Variants in NBEAL1 observed in about 807,000 individuals in gnomAD.
NBEAL1 encodes neurobeachin-like protein 1.
A neutral mutation model predicts 351.3 loss-of-function variants in NBEAL1; 273 were observed. The observed-to-expected ratio is 0.78, with a 90% CI of 0.70 to 0.86. The LOEUF (loss-of-function observed/expected upper bound fraction) is 0.86. Ranked by LOEUF, NBEAL1 falls within the 40% of genes least tolerant of loss-of-function variation. NBEAL1 has a pLI of 0.00. For synonymous variants in NBEAL1, 1,050 were observed against 1,086.4 expected (o/e 0.97, Z 0.66); for missense variants, 2,961 against 3,201.3 (o/e 0.92, Z 1.81).
chr2:203,022,169 G>A (rs1466719764), intron 2 of NBEAL1, among the ~76,000 whole-genome samples: 2 of 152,158 alleles, frequency 1.3e-5, no homozygotes, highest in Admixed American at 6.5e-5. Flanking sequence ...TTTTGGGAGT[G>A]CTGCAGTTAG....
intron 36 of NBEAL1, among the ~76,000 whole-genome samples, chr2:203,162,004 T>A (rs929481412): frequency 5.9e-5 from 9 of 151,522 alleles, no homozygotes; most frequent in African/African-American, 2.2e-4. Context: ...TTTTGTTTTG[T>A]TTTGATTTGA....
At chr2:203,068,766 G>A (rs1273254050) in intron 7 of NBEAL1, among the ~76,000 whole-genome samples, 2 of 152,170 alleles carry the variant, frequency 1.3e-5, no homozygotes, top group East Asian at 1.9e-4. Flanking sequence ...TCACACGCTT[G>A]TTGCCCAGGC....
At chr2:203,053,496 T>TGTC (rs988014296) in intron 4 of NBEAL1, among the ~76,000 whole-genome samples, 1 of 152,172 alleles carries the variant, frequency 6.6e-6, no homozygotes, top group Non-Finnish European at 1.5e-5. Flanking sequence ...GGGTTTTTTT[T>TGTC]GTCGTCGTCG....
At chr2:203,071,829 G>A (rs961379883) in intron 7 of NBEAL1, among the ~76,000 whole-genome samples, 2 of 152,192 alleles carry the variant, frequency 1.3e-5, no homozygotes, top group Non-Finnish European at 2.9e-5. Context: ...ATAAAGGGGT[G>A]ACAGGTCTCA....
intron 36 of NBEAL1, 88 bp from the exon 37 acceptor site, chr2:203,166,061 A>G (rs906499410): frequency 8.1e-6 from 10 of 1,236,454 alleles, no homozygotes; most frequent in South Asian, 1.8e-5. Context: ...AAGAAAAAAA[A>G]GAGATTATAT....
chr2:203,154,065 G>A (rs1375886116), intron 35 of NBEAL1, among the ~76,000 whole-genome samples: 1 of 151,786 alleles, frequency 6.6e-6, no homozygotes, highest in East Asian at 1.9e-4. Flanking sequence ...CTAACATGGT[G>A]AAACCCTGTC....
intron 36 of NBEAL1, among the ~76,000 whole-genome samples, chr2:203,159,479 T>G (rs1031056674): frequency 2.0e-5 from 3 of 152,210 alleles, no homozygotes; most frequent in Non-Finnish European, 4.4e-5. Context: ...TGGCTTATTT[T>G]CATTTGGAAT....
At chr2:203,115,480 G>A (rs1166112991) in intron 17 of NBEAL1, among the ~76,000 whole-genome samples, 3 of 152,078 alleles carry the variant, frequency 2.0e-5, no homozygotes, top group Admixed American at 6.6e-5. Flanking sequence ...CTGTTGCTGA[G>A]GACAGAGTGC....
intron 37 of NBEAL1, among the ~76,000 whole-genome samples, chr2:203,166,591 G>C (rs1439027134): frequency 2.2e-4 from 34 of 152,186 alleles, no homozygotes. Context: ...TTGTTGCCCA[G>C]GCTGGAGTGC....
intron 44 of NBEAL1, among the ~76,000 whole-genome samples, chr2:203,183,714 A>G (rs1053915197): frequency 6.6e-6 from 1 of 152,122 alleles, no homozygotes; most frequent in African/African-American, 2.4e-5. Flanking sequence ...TTTCACATTT[A>G]TTTCAAATCT....
At chr2:203,063,579 A>C (rs1574917124) in intron 6 of NBEAL1, among the ~76,000 whole-genome samples, 1 of 151,724 alleles carries the variant, frequency 6.6e-6, no homozygotes, top group East Asian at 1.9e-4. Context: ...AGAAAAGAAG[A>C]GGAGAAAAGA....
intron 11 of NBEAL1, among the ~76,000 whole-genome samples, chr2:203,099,415 G>A (rs2062258523): frequency 6.6e-6 from 1 of 151,940 alleles, no homozygotes. Context: ...ATAAGTGAAT[G>A]TTGCCTTATC....
intron 43 of NBEAL1, 41 bp from the exon 44 acceptor site, chr2:203,183,238 A>G (rs1455552694): frequency 3.6e-6 from 4 of 1,101,106 alleles, no homozygotes; most frequent in Non-Finnish European, 5.4e-6. Flanking sequence ...GTTTATTATA[A>G]TCTAAAATGA....
chr2:203,093,701 A>C (rs1289145716), intron 10 of NBEAL1, among the ~76,000 whole-genome samples: 1 of 152,182 alleles, frequency 6.6e-6, no homozygotes, highest in African/African-American at 2.4e-5. Context: ...TAAAAATACA[A>C]AAATTAGCTG....
intron 41 of NBEAL1, 102 bp downstream of exon 41, chr2:203,172,955 AC>A: frequency 9.6e-6 from 8 of 835,876 alleles, no homozygotes; most frequent in Non-Finnish European, 1.4e-5. Context: ...TTATCGTACT[AC>A]TACTTTTGAT....
chr2:203,162,529 G>C lies in NBEAL1; in HGVS notation c.5715-3620G>C, dbSNP rs528886983. Among the ~76,000 whole-genome samples, 17 of 152,038 alleles carry C rather than the reference G, an allele frequency of 1.1e-4. No homozygotes were observed. The South Asian group carries it at 1.5e-3, about 13-fold the overall frequency. On this transcript the variant is annotated intron_variant, in intron 36 of 55. Coordinates refer to ENST00000683969, the MANE Select transcript of NBEAL1 (RefSeq NM_001378026.1). Reference sequence around the variant, plus strand: ...AGGCCGAGGTGGACAGATCACTTGAGCTCAGGATCTCCAGACCAGCCTGGA... The same window carrying C: ...AGGCCGAGGTGGACAGATCACTTGACCTCAGGATCTCCAGACCAGCCTGGA...
chr2:203,209,498 G>A (rs1287302293), intron 53 of NBEAL1, among the ~76,000 whole-genome samples, 176 bp downstream of exon 53: 1 of 152,142 alleles, frequency 6.6e-6, no homozygotes, highest in Non-Finnish European at 1.5e-5. Flanking sequence ...CACAATCGTA[G>A]CCTCACATTA....
chr2:203,021,740 CAT>C (rs758960566), intron 2 of NBEAL1, among the ~76,000 whole-genome samples: 45 of 151,952 alleles, frequency 3.0e-4, no homozygotes, highest in Middle Eastern at 3.2e-3. Flanking sequence ...TTTTGAGACT[CAT>C]ATGTGTGTAG....
At chr2:203,114,016 G>A (rs988392750) in intron 17 of NBEAL1, among the ~76,000 whole-genome samples, 3 of 152,020 alleles carry the variant, frequency 2.0e-5, no homozygotes, top group African/African-American at 4.8e-5. Context: ...AGAGACGAGG[G>A]TTTAACGGTG....
Sources: allele counts gnomAD v4.1 joint callset (sites outside exome capture counted in the v4.1 genomes callset), GRCh38; gene constraint gnomAD v4.1.1; transcripts MANE v1.5; gene names NCBI Gene and HGNC (gene_info 2026-07-23, HGNC 2026-07-21).